KCTD9: variants seen among roughly 807,000 people sequenced by gnomAD.
The protein encoded by KCTD9 is BTB/POZ domain-containing protein KCTD9.
Under a neutral mutation model 53.3 loss-of-function variants are expected in KCTD9, and 17 were observed. The ratio of observed to expected loss-of-function variants is 0.32; its 90% CI spans 0.22 to 0.48. KCTD9 has a LOEUF of 0.48. Ranked by LOEUF, KCTD9 falls within the 20% of genes least tolerant of loss-of-function variation. The probability of loss-of-function intolerance (pLI) is 0.99; values close to 1 mark genes in which losing one functional copy is unlikely to be tolerated. For missense variants in KCTD9, 179 were observed against 465.5 expected, an observed-to-expected ratio of 0.38 and a Z score of 5.66; for synonymous variants, 128 against 162.7, an observed-to-expected ratio of 0.79 and a Z score of 1.62.
intron 1 of KCTD9, 39 bp from the exon 2 acceptor site, chr8:25,446,289 T>C (rs1490092382): frequency 6.2e-7 from 1 of 1,606,554 alleles, no homozygotes; most frequent in African/African-American, 1.3e-5. Flanking sequence ...ATTTCTTTAA[T>C]ACATGTTATC....
chr8:25,452,169 C>T (rs1234446061), intron 1 of KCTD9, among the ~76,000 whole-genome samples: 1 of 151,756 alleles, frequency 6.6e-6, no homozygotes, highest in African/African-American at 2.4e-5. Context: ...TAGTCAAATA[C>T]ATTTTAAATA....
chr8:25,437,563 A>G (rs2117399516), intron 6 of KCTD9, among the ~76,000 whole-genome samples: 1 of 152,204 alleles, frequency 6.6e-6, no homozygotes, highest in South Asian at 2.1e-4. Context: ...CTGTAGTCCC[A>G]GCTACTCGGG....
At chr8:25,455,254 A>G (rs1247251638) in intron 1 of KCTD9, among the ~76,000 whole-genome samples, 2 of 151,678 alleles carry the variant, frequency 1.3e-5, no homozygotes, top group Non-Finnish European at 2.9e-5. Flanking sequence ...TAATAAATAA[A>G]TAAATAAAAG....
At chr8:25,436,517 T>TA in intron 6 of KCTD9, 32 bp from the exon 7 acceptor site, 1 of 1,294,866 alleles carries the variant, frequency 7.7e-7, no homozygotes, top group Non-Finnish European at 1.1e-6. Context: ...TGAAACAACC[T>TA]AATTTAGTGA....
In KCTD9 at chr8:25,439,379, T is replaced by C; in HGVS notation, c.399A>G (p.Arg133=). 1 of 1,612,862 alleles carries C rather than the reference T, an allele frequency of 6.2e-7. No individual in the cohort carries two copies. Among genetic ancestry groups the C allele is most frequent in the Non-Finnish European group, 8.5e-7 (1 of 1,179,572 alleles). ...GACTTCGGTCAATTAAGAAAGCTCC[T>C]CTATGATCTTGCTTATTTCCCCAGA... is the stretch of plus-strand genomic sequence containing the variant. ...KGVWGNKQDH[R]GAFLIDRSPE... The change falls in exon 6 of 12, where the codon AGA becomes AGG. Residue 133 remains arginine, a synonymous_variant. Coordinates refer to ENST00000221200, the MANE Select transcript of KCTD9 (RefSeq NM_017634.4).
chr8:25,435,610 T>C (rs1287418450), intron 8 of KCTD9, 98 bp from the exon 9 acceptor site: 6 of 1,002,568 alleles, frequency 6.0e-6, no homozygotes, highest in East Asian at 2.7e-5. Flanking sequence ...TTAGAAGCAA[T>C]TGGCAGTTCA....
rs567986580 is a variant in KCTD9, at chr8:25,447,094, G to A, written c.49-844C>T. On this transcript the variant is annotated intron_variant, in intron 1 of 11. Transcript: ENST00000221200. ...ATCAGTTATGACCTCTGAAAGTTAG[G>A]AATAAAAACTAGGTAAGGGTCGGGC... Among the ~76,000 whole-genome samples, 152 of 152,284 alleles carry A rather than the reference G, an allele frequency of 1.0e-3. 2 individuals are homozygous for A. Among genetic ancestry groups the A allele is most frequent in the Admixed American group, 9.9e-3 (151 of 15,294 alleles).
chr8:25,435,941 T>C (rs561183356), intron 8 of KCTD9, among the ~76,000 whole-genome samples: 24 of 152,352 alleles, frequency 1.6e-4, no homozygotes, highest in African/African-American at 5.8e-4. Context: ...CTGCCACTGA[T>C]CAGCCCATAT....
intron 3 of KCTD9, among the ~76,000 whole-genome samples, chr8:25,441,724 G>A (rs1027133900): frequency 2.0e-5 from 3 of 152,150 alleles, no homozygotes; most frequent in African/African-American, 4.8e-5. Flanking sequence ...ATGGTCAGAC[G>A]TGGTGGCTCA....
intron 1 of KCTD9, chr8:25,457,241 CGA>C: frequency 2.6e-6 from 1 of 379,636 alleles, no homozygotes; most frequent in Non-Finnish European, 3.6e-6. Context: ...CAGTGTTCCC[CGA>C]ATGTGCAGGC....
chr8:25,442,197 G>C (rs1312847451), intron 3 of KCTD9, among the ~76,000 whole-genome samples: 1 of 151,932 alleles, frequency 6.6e-6, no homozygotes, highest in Non-Finnish European at 1.5e-5. Context: ...TATATTGAAA[G>C]GATCCATCAC....
At chr8:25,431,458 T>C (rs1801929054) in intron 11 of KCTD9, among the ~76,000 whole-genome samples, 3 of 152,116 alleles carry the variant, frequency 2.0e-5, no homozygotes, top group African/African-American at 7.2e-5. Context: ...CTGGATATGA[T>C]AGGGGACAAT....
intron 3 of KCTD9, among the ~76,000 whole-genome samples, chr8:25,443,038 T>G (rs999662174): frequency 2.0e-5 from 3 of 152,198 alleles, no homozygotes; most frequent in African/African-American, 7.2e-5. Flanking sequence ...AGTACTACTA[T>G]GAAGCCATGA....
At chr8:25,443,961 A>G (rs968328310) in intron 3 of KCTD9, among the ~76,000 whole-genome samples, 2 of 152,168 alleles carry the variant, frequency 1.3e-5, no homozygotes, top group Non-Finnish European at 2.9e-5. Context: ...CAACACGTAG[A>G]AAAATTTTGA....
intron 6 of KCTD9, among the ~76,000 whole-genome samples, chr8:25,437,502 C>A (rs1192391060): frequency 6.6e-6 from 1 of 152,024 alleles, no homozygotes; most frequent in Non-Finnish European, 1.5e-5. Flanking sequence ...CATGGTGAAA[C>A]CCTGTCTCTA....
chr8:25,429,405 G>A lies in KCTD9; in HGVS notation c.*452C>T, dbSNP rs963012854. 2.6e-5 allele frequency: 4 copies of A among 154,412 alleles called. No homozygotes were observed. Among genetic ancestry groups the A allele is most frequent in the African/African-American group, 9.7e-5 (4 of 41,436 alleles). The allele number at this position is 154,412 out of a possible 1,614,324, so 9.6% of individuals were successfully genotyped here. On this transcript the variant is annotated 3_prime_UTR_variant, in exon 12 of 12. Transcript: ENST00000221200. ...TATAAACCTGAACAACCTTTTCCAA[G>A]TTTTCATAAAGTTTTAACAATTTAA... is the stretch of plus-strand genomic sequence containing the variant.
chr8:25,458,259 G>C lies in KCTD9; in HGVS notation c.-13C>G, dbSNP rs1402807035. 1.4e-6 allele frequency: 2 copies of C among 1,449,268 alleles called. No homozygotes were observed. Among genetic ancestry groups the C allele is most frequent in the Admixed American group, 3.7e-5 (2 of 53,580 alleles). 89.8% of individuals were successfully genotyped at this position (1,449,268 alleles called of 1,614,324 possible). ...TCACCCGCCTCATCGCGCTGCCCCC[G>C]CTGGGTCCTGAGTGAGCCGCCACCC... On this transcript the variant is annotated 5_prime_UTR_variant, in exon 1 of 12. Transcript: ENST00000221200.
intron 2 of KCTD9, among the ~76,000 whole-genome samples, chr8:25,445,685 C>G (rs555970784): frequency 6.6e-6 from 1 of 152,110 alleles, no homozygotes; most frequent in Admixed American, 6.5e-5. Context: ...TGGTGGATCA[C>G]TGGTGATATC....
At chr8:25,444,471 G>C (rs1802179960) in intron 2 of KCTD9, 136 bp from the exon 3 acceptor site, 4 of 721,580 alleles carry the variant, frequency 5.5e-6, no homozygotes, top group Admixed American at 3.5e-5. Context: ...AAGAAGCTAA[G>C]TTTCCAATGC....
Sources: allele counts gnomAD v4.1 joint callset (sites outside exome capture counted in the v4.1 genomes callset), GRCh38; gene constraint gnomAD v4.1.1; transcripts MANE v1.5; gene names NCBI Gene and HGNC (gene_info 2026-07-23, HGNC 2026-07-21).